The following GPC5 variants were observed in gnomAD, a reference collection of about 807,000 sequenced individuals.
GPC5 encodes glypican-5.
GPC5 carries 47 observed loss-of-function variants against 53.9 expected under a neutral mutation model. The ratio of observed to expected loss-of-function variants is 0.87; its 90% CI spans 0.69 to 1.11. The LOEUF (loss-of-function observed/expected upper bound fraction) is 1.11. Ranked by LOEUF, GPC5 falls within the 50% of genes most tolerant of loss-of-function variation. GPC5 has a pLI of 0.00. For missense variants in GPC5, 748 were observed against 713.1 expected (o/e 1.05, Z -0.56); for synonymous variants, 286 against 263.3 (o/e 1.09, Z -0.84).
At chr13:92,309,361 A>T (rs1255338462) in intron 7 of GPC5, among the ~76,000 whole-genome samples, 1 of 152,116 alleles carries the variant, frequency 6.6e-6, no homozygotes, top group African/African-American at 2.4e-5. Flanking sequence ...AGAGGTAGAC[A>T]TGACTACATA....
chr13:92,082,619 A>T lies in GPC5; in HGVS notation c.1402-62211A>T, dbSNP rs7335937. On this transcript the variant is annotated intron_variant, in intron 6 of 7. Transcript: ENST00000377067. ...ATATTGCTCACAATTTTAATGCCTC[A>T]GCATTAAAGCTAAAAAGGAAAAGGG... Among the ~76,000 whole-genome samples, 4 of 152,238 alleles carry T rather than the reference A, an allele frequency of 2.6e-5. No individual in the cohort carries two copies. The East Asian group carries it at 7.7e-4, about 29-fold the overall frequency.
Position 91,792,225 on chromosome 13 carries a change from C to T in GPC5, c.1280+35805C>T, listed in dbSNP as rs531392577. Reference sequence around the variant, plus strand: ...GAAACAGTCTTTCCTGACTTCACTGCGTAGCAGCAACCCAGTCATTTCTTG... The same window carrying T: ...GAAACAGTCTTTCCTGACTTCACTGTGTAGCAGCAACCCAGTCATTTCTTG... On this transcript the variant is annotated intron_variant, in intron 5 of 7. Transcript: ENST00000377067. Among the ~76,000 whole-genome samples, 11 of 152,256 alleles carry T rather than the reference C, an allele frequency of 7.2e-5. No individual in the cohort carries two copies. In the South Asian group the frequency reaches 8.3e-4, roughly 11 times the overall value.
chr13:92,131,464 A>G (rs2041742714), intron 6 of GPC5, among the ~76,000 whole-genome samples: 1 of 152,040 alleles, frequency 6.6e-6, no homozygotes, highest in Non-Finnish European at 1.5e-5. Context: ...ACACAGTTAT[A>G]TATTTATAAA....
intron 7 of GPC5, among the ~76,000 whole-genome samples, chr13:92,843,271 A>T (rs1316192485): frequency 6.6e-6 from 1 of 152,138 alleles, no homozygotes; most frequent in Non-Finnish European, 1.5e-5. Flanking sequence ...CTTTTATTAA[A>T]CAGTAAATGC....
intron 7 of GPC5, among the ~76,000 whole-genome samples, chr13:92,350,218 T>C (rs1202008921): frequency 6.6e-6 from 1 of 152,082 alleles, no homozygotes; most frequent in Non-Finnish European, 1.5e-5. Context: ...AAATTTAGTA[T>C]AGAAAGAGTG....
chr13:91,938,848 A>C (rs2039897719), intron 6 of GPC5, among the ~76,000 whole-genome samples: 1 of 152,118 alleles, frequency 6.6e-6, no homozygotes, highest in Non-Finnish European at 1.5e-5. Context: ...AGATGCTTTA[A>C]AATTATGTGA....
chr13:92,482,934 C>T (rs1879413659), intron 7 of GPC5, among the ~76,000 whole-genome samples: 1 of 152,150 alleles, frequency 6.6e-6, no homozygotes, highest in South Asian at 2.1e-4. Flanking sequence ...AATGGACTCC[C>T]AGTTCCACAT....
intron 7 of GPC5, among the ~76,000 whole-genome samples, chr13:92,796,045 A>G (rs1212060741): frequency 1.3e-5 from 2 of 152,250 alleles, no homozygotes; most frequent in South Asian, 2.1e-4. Flanking sequence ...TCATTCTACT[A>G]TAAAGACACA....
chr13:91,843,822 A>G (rs960859708), intron 5 of GPC5, among the ~76,000 whole-genome samples: 13 of 152,196 alleles, frequency 8.5e-5, no homozygotes, highest in African/African-American at 3.1e-4. Flanking sequence ...CCAAAGTAAA[A>G]TGTAGCTCCT....
intron 7 of GPC5, among the ~76,000 whole-genome samples, chr13:92,430,856 T>C (rs534406618): frequency 1.8e-4 from 27 of 152,090 alleles, no homozygotes; most frequent in African/African-American, 6.0e-4. Context: ...TCACCATAGA[T>C]AAACAAATGT....
At chr13:92,335,910 C>A (rs2043319613) in intron 7 of GPC5, among the ~76,000 whole-genome samples, 1 of 152,192 alleles carries the variant, frequency 6.6e-6, no homozygotes, top group Non-Finnish European at 1.5e-5. Context: ...CTTCTGAGCC[C>A]TCCAAGTCTC....
In GPC5 at chr13:91,515,154, A is replaced by G. The variant is rs187899430; in HGVS notation, c.325+66232A>G. Among the ~76,000 whole-genome samples the G allele has an allele frequency of 1.7e-3, 261 of 152,330 alleles. 2 individuals carry two copies. The highest frequency in any genetic ancestry group is 6.1e-3 in the African/African-American group (254 of 41,584). On this transcript the variant is annotated intron_variant, in intron 2 of 7. Transcript: ENST00000377067. ...AGTAGACAGAATTACTTAAAAATGC[A>G]TAATTGAGACTTCTTAGAGTCGCAC... is the stretch of plus-strand genomic sequence containing the variant.
At chr13:91,870,239 A>G (rs57344776) in intron 5 of GPC5, among the ~76,000 whole-genome samples, 4,227 of 152,250 alleles carry the variant, frequency 0.028, 208 homozygotes, top group African/African-American at 0.096. Flanking sequence ...TATGCACCGT[A>G]GAGTATGAAA....
intron 1 of GPC5, among the ~76,000 whole-genome samples, chr13:91,399,465 T>C (rs921767023): frequency 1.9e-4 from 29 of 152,090 alleles, no homozygotes; most frequent in African/African-American, 6.8e-4. Flanking sequence ...TCCCTTCGTC[T>C]TGGAGGATGA....
At chr13:91,726,149 G>A (rs918094223) in intron 3 of GPC5, among the ~76,000 whole-genome samples, 5 of 152,090 alleles carry the variant, frequency 3.3e-5, no homozygotes, top group African/African-American at 1.2e-4. Flanking sequence ...TTTTCAAAGT[G>A]GAAATTCACT....
chr13:92,080,851 T>G (rs2041289419), intron 6 of GPC5, among the ~76,000 whole-genome samples: 1 of 152,178 alleles, frequency 6.6e-6, no homozygotes, highest in African/African-American at 2.4e-5. Context: ...CCTACACACA[T>G]TCTTCTAATC....
chr13:92,041,058 G>A (rs948409943), intron 6 of GPC5, among the ~76,000 whole-genome samples: 2 of 151,668 alleles, frequency 1.3e-5, no homozygotes, highest in African/African-American at 2.4e-5. Context: ...CACCATGTTG[G>A]CCAGGCTGGT....
chr13:92,172,172 G>A (rs1416898891), intron 7 of GPC5, among the ~76,000 whole-genome samples: 1 of 152,160 alleles, frequency 6.6e-6, no homozygotes, highest in Non-Finnish European at 1.5e-5. Context: ...TGGTTGAATG[G>A]GTGGATGGAT....
intron 7 of GPC5, among the ~76,000 whole-genome samples, chr13:92,189,517 G>C (rs1447137840): frequency 6.6e-6 from 1 of 152,088 alleles, no homozygotes; most frequent in African/African-American, 2.4e-5. Context: ...TCCCCCTCCA[G>C]CATGCCACTA....
Sources: gnomAD v4.1 joint callset for allele counts (sites outside exome capture counted in the v4.1 genomes callset) on GRCh38, gnomAD v4.1.1 for gene constraint, MANE v1.5 for transcripts, NCBI Gene and HGNC (gene_info 2026-07-23, HGNC 2026-07-21) for gene names.